KDM3A: variants seen among roughly 807,000 people sequenced by gnomAD.
KDM3A encodes lysine demethylase 3A.
In KDM3A, 60 loss-of-function variants were observed where a neutral mutation model predicts 158.0. That is an observed-to-expected ratio of 0.38 (90% CI 0.31 to 0.47). The LOEUF (loss-of-function observed/expected upper bound fraction) is 0.47. Ranked by LOEUF, KDM3A falls within the 20% of genes least tolerant of loss-of-function variation. The probability of loss-of-function intolerance (pLI) is 0.99; values close to 1 mark genes in which losing one functional copy is unlikely to be tolerated. For synonymous variants in KDM3A, 608 were observed against 549.3 expected, an observed-to-expected ratio of 1.11 and a Z score of -1.49; for missense variants, 1,319 against 1,574.3, an observed-to-expected ratio of 0.84 and a Z score of 2.74.
chr2:86,482,857 C>G, intron 18 of KDM3A, 163 bp downstream of exon 18: 1 of 685,762 alleles, frequency 1.5e-6, no homozygotes, highest in Non-Finnish European at 2.4e-6. Flanking sequence ...GGCCATGGGT[C>G]TTACTTTTTA....
At chr2:86,480,145 C>A in intron 15 of KDM3A, 22 bp from the exon 16 acceptor site, 1 of 1,570,074 alleles carries the variant, frequency 6.4e-7, no homozygotes, top group Non-Finnish European at 8.7e-7. Context: ...TATGTAAAAT[C>A]GTCCTTTAAT....
At chr2:86,438,694 ATG>A (rs1173709885), upstream of KDM3A, among the ~76,000 whole-genome samples, 4 of 152,186 alleles carry the variant, frequency 2.6e-5, no homozygotes, top group Non-Finnish European at 4.4e-5. Context: ...TACAAATAAT[ATG>A]TGTTGTCTTT....
intron 10 of KDM3A, among the ~76,000 whole-genome samples, chr2:86,468,516 A>C (rs1159403121): frequency 6.6e-6 from 1 of 151,408 alleles, no homozygotes; most frequent in African/African-American, 2.4e-5. Context: ...TATGTTATGT[A>C]GCTATTCCCC....
chr2:86,472,041 A>G (rs1283730908), intron 11 of KDM3A, among the ~76,000 whole-genome samples: 4 of 152,030 alleles, frequency 2.6e-5, no homozygotes, highest in Non-Finnish European at 5.9e-5. Context: ...TCATGTTGTT[A>G]TGGCTCCTCT....
chr2:86,442,182 C>A lies in KDM3A; in HGVS notation c.135C>A (p.Ser45=), dbSNP rs772538293. 1.9e-6 allele frequency: 3 copies of A among 1,613,794 alleles called. No homozygotes were observed. In the South Asian group the frequency reaches 3.3e-5, roughly 18 times the overall value. ...GCGTCGCCGAGTGGCCCTGGCTCTC[C>A]GGGACCATTCGAGCTGTTTCCCACA... The part of the protein sequence containing the change: ...VERVAEWPWL[S]GTIRAVSHTD... Residue 45 remains serine, a synonymous_variant, in exon 2 of 26, where the codon TCC becomes TCA. Coordinates refer to ENST00000312912, the MANE Select transcript of KDM3A (RefSeq NM_018433.6).
At chr2:86,455,588 C>T (rs558358115) in intron 5 of KDM3A, among the ~76,000 whole-genome samples, 1 of 151,552 alleles carries the variant, frequency 6.6e-6, no homozygotes, top group African/African-American at 2.4e-5. Flanking sequence ...ATTTAAAATT[C>T]AAAAAATGTG....
chr2:86,451,266 A>C, intron 4 of KDM3A, 53 bp downstream of exon 4: 3 of 1,182,558 alleles, frequency 2.5e-6, no homozygotes, highest in Non-Finnish European at 3.6e-6. Context: ...GAACTCCTTT[A>C]ACATGAGAAG....
chr2:86,485,820 G>A lies in KDM3A; in HGVS notation c.3274G>A (p.Val1092Ile). The A allele has an allele frequency of 6.2e-7, 1 of 1,614,108 alleles. No homozygotes were observed. Among genetic ancestry groups the A allele is most frequent in the Non-Finnish European group, 8.5e-7 (1 of 1,179,996 alleles). Residue 1092 changes from valine (V) to isoleucine (I), a missense_variant, in exon 21 of 26, where the codon GTT becomes ATT. Val to Ile is a conservative substitution (Grantham distance 29, BLOSUM62 3). This residue lies in a region of KDM3A where 186 missense variants were observed against 340.9 expected (regional missense o/e 0.55). Transcript: ENST00000312912. ...GGCCTCTAGGCTGCCAAACTACTTT[G>A]TTCGGCCAGATCTGGGCCCCAAGAT... ...NLASRLPNYF[V>I]RPDLGPKMYN...
At chr2:86,461,646 A>G (rs1319992116) in intron 8 of KDM3A, among the ~76,000 whole-genome samples, 1 of 152,180 alleles carries the variant, frequency 6.6e-6, no homozygotes, top group Non-Finnish European at 1.5e-5. Context: ...GAAAGGTATA[A>G]ACAGAAAAAT....
intron 8 of KDM3A, 45 bp from the exon 9 acceptor site, chr2:86,464,008 A>G: frequency 7.2e-7 from 1 of 1,391,160 alleles, no homozygotes; most frequent in Non-Finnish European, 9.7e-7. Flanking sequence ...ATTATTTCCT[A>G]ACTAGGGACT....
At chr2:86,463,819 G>A (rs1673022340) in intron 8 of KDM3A, among the ~76,000 whole-genome samples, 1 of 152,190 alleles carries the variant, frequency 6.6e-6, no homozygotes, top group South Asian at 2.1e-4. Context: ...AAAAAGATAA[G>A]CTTGTGATCC....
upstream of KDM3A, among the ~76,000 whole-genome samples, chr2:86,439,587 TTAA>T (rs1428477866): frequency 3.3e-5 from 5 of 152,260 alleles, no homozygotes; most frequent in Admixed American, 6.5e-5. Context: ...GTTTTTCAAA[TTAA>T]TATTTAATTA....
chr2:86,463,328 A>G (rs539993196), intron 8 of KDM3A, among the ~76,000 whole-genome samples: 13 of 152,306 alleles, frequency 8.5e-5, no homozygotes, highest in African/African-American at 2.9e-4. Flanking sequence ...GCCTTAGACT[A>G]GTTGTCTTGA....
chr2:86,491,080 T>C (rs1205089813), intron 24 of KDM3A, 23 bp downstream of exon 24: 1 of 1,613,008 alleles, frequency 6.2e-7, no homozygotes, highest in South Asian at 1.1e-5. Flanking sequence ...ACTTTTTCTT[T>C]AATCTCTTTA....
intron 11 of KDM3A, among the ~76,000 whole-genome samples, chr2:86,470,780 T>C (rs912601434): frequency 3.9e-5 from 6 of 152,206 alleles, no homozygotes; most frequent in African/African-American, 1.4e-4. Context: ...GCACACCCTG[T>C]TTTGAATCTT....
intron 2 of KDM3A, among the ~76,000 whole-genome samples, chr2:86,447,200 C>G (rs1437121533): frequency 2.0e-5 from 3 of 151,408 alleles, no homozygotes; most frequent in Non-Finnish European, 4.4e-5. Flanking sequence ...TTAAAGTCAT[C>G]TTTTTCCAAA....
At chr2:86,489,837 T>G in intron 23 of KDM3A, 178 bp downstream of exon 23, 3 of 566,914 alleles carry the variant, frequency 5.3e-6, no homozygotes, top group Non-Finnish European at 8.9e-6. Context: ...TCTAAATGAT[T>G]AGGGTTACAC....
Position 86,484,504 on chromosome 2 carries a change from T to G in KDM3A, c.3094+346T>G, listed in dbSNP as rs553885321. Among the ~76,000 whole-genome samples, 3 of 152,284 alleles carry G rather than the reference T, an allele frequency of 2.0e-5. No individual in the cohort carries two copies. In the South Asian group the frequency reaches 6.2e-4, roughly 32 times the overall value. On this transcript the variant is annotated intron_variant, in intron 19 of 25. Coordinates refer to ENST00000312912, the MANE Select transcript of KDM3A (RefSeq NM_018433.6). The stretch of plus-strand genomic sequence containing the variant: ...TTGACGTGCATTGCTGTTGGTTAGT[T>G]GGGATGCTGCTCACTTCTTCTGGAA...
At chr2:86,479,934 G>A in intron 15 of KDM3A, 1 of 536,866 alleles carries the variant, frequency 1.9e-6, no homozygotes, top group Non-Finnish European at 3.3e-6. Context: ...CTGGTGAAAG[G>A]GTGCGGGGGG....
Sources: allele counts gnomAD v4.1 joint callset (sites outside exome capture counted in the v4.1 genomes callset), GRCh38; gene constraint gnomAD v4.1.1; regional missense constraint gnomAD v4.1.1; transcripts MANE v1.5; gene names NCBI Gene and HGNC (gene_info 2026-07-23, HGNC 2026-07-21).